SPAG16: variants seen among roughly 807,000 people sequenced by gnomAD.
The protein encoded by SPAG16 is sperm-associated antigen 16 protein.
SPAG16 carries 86 observed loss-of-function variants against 80.4 expected under a neutral mutation model. That is an observed-to-expected ratio of 1.07 (90% CI 0.90 to 1.28). SPAG16 has a LOEUF of 1.28. Ranked by LOEUF, SPAG16 falls within the 50% of genes most tolerant of loss-of-function variation. The probability of loss-of-function intolerance (pLI) is 0.00; values close to 1 mark genes in which losing one functional copy is unlikely to be tolerated. For synonymous variants in SPAG16, 294 were observed against 265.9 expected (o/e 1.11, Z -1.03); for missense variants, 870 against 765.3 (o/e 1.14, Z -1.61).
chr2:213,471,466 C>T (rs958672426), intron 9 of SPAG16, among the ~76,000 whole-genome samples: 4 of 152,252 alleles, frequency 2.6e-5, no homozygotes, highest in Non-Finnish European at 4.4e-5. Flanking sequence ...CATAGTCAAA[C>T]GTTCAGTTTC....
intron 9 of SPAG16, among the ~76,000 whole-genome samples, chr2:213,440,948 A>G (rs750915749): frequency 8.5e-5 from 13 of 152,248 alleles, no homozygotes; most frequent in Non-Finnish European, 1.9e-4. Flanking sequence ...AACTAAGAGA[A>G]GGAAAAGTTA....
chr2:213,759,948 T>C (rs984039988), intron 10 of SPAG16, among the ~76,000 whole-genome samples: 8 of 151,640 alleles, frequency 5.3e-5, no homozygotes, highest in Non-Finnish European at 8.8e-5. Context: ...GGGAGGAGAA[T>C]CACTTGAACC....
Position 213,514,311 on chromosome 2 carries a change from A to G in SPAG16, c.1070+24221A>G, listed in dbSNP as rs58758480. On this transcript the variant is annotated intron_variant, in intron 10 of 15. Coordinates refer to ENST00000331683, the MANE Select transcript of SPAG16 (RefSeq NM_024532.5). ...CCATGCAGTTGACTTTACTTCCTAA[A>G]TAAATGTTGCATTCTTGATGAAAGT... Among the ~76,000 whole-genome samples the G allele has an allele frequency of 9.6e-3, 1,468 of 152,214 alleles. 23 individuals carry two copies. Among genetic ancestry groups the G allele is most frequent in the African/African-American group, 0.033 (1,354 of 41,540 alleles).
intron 15 of SPAG16, among the ~76,000 whole-genome samples, chr2:214,272,182 A>G (rs1400133468): frequency 6.6e-6 from 1 of 152,168 alleles, no homozygotes; most frequent in Non-Finnish European, 1.5e-5. Flanking sequence ...AACATGATAT[A>G]AGGTATGAAA....
intron 13 of SPAG16, among the ~76,000 whole-genome samples, chr2:214,051,861 T>G (rs1008862040): frequency 1.2e-4 from 19 of 152,188 alleles, no homozygotes; most frequent in Non-Finnish European, 1.6e-4. Flanking sequence ...CAGCTCAATA[T>G]TATAGGGTTT....
At chr2:213,635,152 A>C (rs2062312252) in intron 10 of SPAG16, among the ~76,000 whole-genome samples, 1 of 151,278 alleles carries the variant, frequency 6.6e-6, no homozygotes, top group South Asian at 2.1e-4. Context: ...CTCCTGCCTC[A>C]GCCTCCTGAG....
At chr2:214,256,988 TA>T (rs1259625697) in intron 15 of SPAG16, among the ~76,000 whole-genome samples, 1 of 151,950 alleles carries the variant, frequency 6.6e-6, no homozygotes, top group African/African-American at 2.4e-5. Flanking sequence ...GTGGAATGTA[TA>T]GATTAATTTG....
intron 15 of SPAG16, among the ~76,000 whole-genome samples, chr2:214,177,933 A>G (rs2057161048): frequency 7.6e-6 from 1 of 130,854 alleles, no homozygotes; most frequent in South Asian, 2.4e-4. Context: ...ATATATATAT[A>G]TGGCCAGAAT....
At chr2:213,688,032 C>G (rs533607044) in intron 10 of SPAG16, among the ~76,000 whole-genome samples, 53 of 152,042 alleles carry the variant, frequency 3.5e-4, no homozygotes, top group Non-Finnish European at 6.9e-4. Context: ...TTTAGGGAGG[C>G]ATGAGACATC....
intron 12 of SPAG16, among the ~76,000 whole-genome samples, chr2:214,011,758 A>C (rs1280553612): frequency 6.6e-6 from 1 of 152,198 alleles, no homozygotes; most frequent in Non-Finnish European, 1.5e-5. Flanking sequence ...TCTTGCTCCA[A>C]ATACTTATTA....
At chr2:214,237,563 G>C (rs923533885) in intron 15 of SPAG16, among the ~76,000 whole-genome samples, 3 of 151,900 alleles carry the variant, frequency 2.0e-5, no homozygotes, top group African/African-American at 4.8e-5. Context: ...AAAAGGAAAA[G>C]GCAAATCATA....
intron 15 of SPAG16, among the ~76,000 whole-genome samples, chr2:214,205,316 A>C (rs2058112611): frequency 6.6e-6 from 1 of 152,142 alleles, no homozygotes; most frequent in Non-Finnish European, 1.5e-5. Flanking sequence ...AAAAACAATC[A>C]CAACTCCTGG....
At chr2:214,017,239 T>C (rs536471959) in intron 13 of SPAG16, among the ~76,000 whole-genome samples, 1 of 152,282 alleles carries the variant, frequency 6.6e-6, no homozygotes, top group South Asian at 2.1e-4. Context: ...GACAATCTCC[T>C]CCTTGCTTTA....
At chr2:214,149,034 A>T (rs2055817507) in intron 14 of SPAG16, 106 bp from the exon 15 acceptor site, 1 of 366,566 alleles carries the variant, frequency 2.7e-6, no homozygotes, top group Admixed American at 5.6e-5. Flanking sequence ...ATGTATTTGT[A>T]TATATGTAGT....
At chr2:213,920,418 G>A (rs913559359) in intron 11 of SPAG16, among the ~76,000 whole-genome samples, 4 of 152,170 alleles carry the variant, frequency 2.6e-5, no homozygotes, top group African/African-American at 7.2e-5. Context: ...GCACACACAC[G>A]TTGGCATGGG....
At chr2:214,327,569 C>T (rs1454402863) in intron 15 of SPAG16, among the ~76,000 whole-genome samples, 2 of 152,168 alleles carry the variant, frequency 1.3e-5, no homozygotes, top group Non-Finnish European at 2.9e-5. Context: ...CTATAATAAA[C>T]TAAGATAATT....
At chr2:213,989,968 C>T (rs141810006) in intron 12 of SPAG16, among the ~76,000 whole-genome samples, 92 of 152,032 alleles carry the variant, frequency 6.1e-4, no homozygotes, top group African/African-American at 2.2e-3. Context: ...TTAGAATAGC[C>T]ACTAATTTTA....
rs992386081 is a variant in SPAG16 at position 213,367,034 on chromosome 2, A to G, written c.832+2889A>G. Among the ~76,000 whole-genome samples, 7 of 151,842 alleles carry G rather than the reference A, an allele frequency of 4.6e-5. No individual in the cohort carries two copies. In the East Asian group the frequency reaches 9.7e-4, roughly 21 times the overall value. On this transcript the variant is annotated intron_variant, in intron 8 of 15. Transcript: ENST00000331683. Reference sequence around the variant, plus strand: ...TTCCCACCTGTGAGTGAGAACATGCAGTGTTTGGTTGTCTGTCCTTGAGAT... The same window carrying G: ...TTCCCACCTGTGAGTGAGAACATGCGGTGTTTGGTTGTCTGTCCTTGAGAT...
intron 9 of SPAG16, among the ~76,000 whole-genome samples, chr2:213,409,397 T>C (rs1361195726): frequency 6.6e-6 from 1 of 152,178 alleles, no homozygotes; most frequent in African/African-American, 2.4e-5. Context: ...TTAAAAAATA[T>C]ATATTTTGTT....
Sources: gnomAD v4.1 joint callset for allele counts (sites outside exome capture counted in the v4.1 genomes callset) on GRCh38, gnomAD v4.1.1 for gene constraint, MANE v1.5 for transcripts, NCBI Gene and HGNC (gene_info 2026-07-23, HGNC 2026-07-21) for gene names.